EDIL3: variants seen among roughly 807,000 people sequenced by gnomAD.
EDIL3 encodes EGF-like repeat and discoidin I-like domain-containing protein 3.
In EDIL3, 37 loss-of-function variants were observed where a neutral mutation model predicts 67.4. That is an observed-to-expected ratio of 0.55 (90% CI 0.42 to 0.72). The LOEUF is 0.72. Ranked by LOEUF, EDIL3 falls within the 30% of genes least tolerant of loss-of-function variation. EDIL3 has a pLI of 0.00. For missense variants in EDIL3, 527 were observed against 586.3 expected (o/e 0.90, Z 1.04); for synonymous variants, 195 against 196.3 (o/e 0.99, Z 0.05).
intron 5 of EDIL3, 34 bp downstream of exon 5, chr5:84,137,207 A>G (rs774459610): frequency 1.3e-6 from 2 of 1,496,708 alleles, no homozygotes; most frequent in East Asian, 2.3e-5. Context: ...ACACACACAC[A>G]CACACACACA....
intron 1 of EDIL3, among the ~76,000 whole-genome samples, chr5:84,268,062 G>A (rs1250275315): frequency 3.9e-5 from 6 of 152,086 alleles, no homozygotes; most frequent in African/African-American, 1.4e-4. Flanking sequence ...GCTTGAACCC[G>A]GGAGGCAGAG....
chr5:84,092,136 G>A (rs1426849555), intron 6 of EDIL3, among the ~76,000 whole-genome samples: 1 of 152,118 alleles, frequency 6.6e-6, no homozygotes, highest in Non-Finnish European at 1.5e-5. Context: ...GAACCAGAGT[G>A]AATTTGCCAT....
Position 84,251,401 on chromosome 5 carries a change from C to T in EDIL3, c.196+2683G>A, listed in dbSNP as rs555259178. Among the ~76,000 whole-genome samples, 19 of 150,858 alleles carry T rather than the reference C, an allele frequency of 1.3e-4. No homozygotes were observed. The East Asian group carries it at 3.5e-3, about 28-fold the overall frequency. On this transcript the variant is annotated intron_variant, in intron 2 of 10. Transcript: ENST00000296591. ...GCTGGGATTACCGACCAGCGTGAGCCACCACGCCCGGCCTTTTTTTTTTTT... is the reference window on the plus strand; with the variant it reads ...GCTGGGATTACCGACCAGCGTGAGCTACCACGCCCGGCCTTTTTTTTTTTT...
chr5:84,349,938 C>T (rs1053639887), intron 1 of EDIL3, among the ~76,000 whole-genome samples: 2 of 152,192 alleles, frequency 1.3e-5, no homozygotes, highest in African/African-American at 4.8e-5. Flanking sequence ...TATTAACTTG[C>T]TTAATCCTTA....
intron 1 of EDIL3, among the ~76,000 whole-genome samples, chr5:84,273,030 C>T (rs1745506575): frequency 6.6e-6 from 1 of 152,020 alleles, no homozygotes; most frequent in Admixed American, 6.6e-5. Flanking sequence ...TGCTTGTCTC[C>T]AGTATCTAGT....
rs1269552952 is a variant in EDIL3 at position 84,060,328 on chromosome 5, C to T, written c.1109G>A (p.Gly370Asp). The T allele has an allele frequency of 1.9e-6, 3 of 1,613,724 alleles. No individual in the cohort carries two copies. The East Asian group carries it at 6.7e-5, about 36-fold the overall frequency. Residue 370 changes from glycine to aspartate, a missense_variant, in exon 9 of 11, where the codon GGC becomes GAC. By Grantham distance (94) the Gly-to-Asp change is moderately conservative. This residue lies in a region of EDIL3 where 494 missense variants were observed against 522.5 expected (regional missense o/e 0.95). Coordinates refer to ENST00000296591, the MANE Select transcript of EDIL3 (RefSeq NM_005711.5). ...KQGKVNAWTS[G>D]HNDQSQWLQV... ...TAACCATTGTGACTGGTCATTGTGG[C>T]CAGAGGTCCAGGCATTCACTTTGCC... is the stretch of plus-strand genomic sequence containing the variant.
intron 9 of EDIL3, among the ~76,000 whole-genome samples, chr5:83,980,689 ATATATATATT>A: frequency 6.8e-6 from 1 of 146,774 alleles, no homozygotes; most frequent in Admixed American, 6.8e-5. Flanking sequence ...ATATATATAT[ATATATATATT>A]TATATATAAT....
intron 9 of EDIL3, among the ~76,000 whole-genome samples, chr5:83,977,756 T>C (rs1744899990): frequency 6.6e-6 from 1 of 151,884 alleles, no homozygotes; most frequent in African/African-American, 2.4e-5. Context: ...TTCAGCCTAC[T>C]TTTTCATAGT....
At chr5:84,353,188 A>G (rs1041097046) in intron 1 of EDIL3, among the ~76,000 whole-genome samples, 2 of 152,138 alleles carry the variant, frequency 1.3e-5, no homozygotes, top group African/African-American at 4.8e-5. Flanking sequence ...AACGTGAATC[A>G]TGTTAAATTA....
chr5:84,180,586 T>A, intron 3 of EDIL3, 65 bp from the exon 4 acceptor site: 1 of 1,454,150 alleles, frequency 6.9e-7, no homozygotes, highest in Non-Finnish European at 9.1e-7. Context: ...TAGGTCAACA[T>A]TTTGCAATTA....
chr5:84,211,490 T>C (rs1421552616), intron 3 of EDIL3, among the ~76,000 whole-genome samples: 1 of 152,058 alleles, frequency 6.6e-6, no homozygotes, highest in African/African-American at 2.4e-5. Context: ...ACAAATGAAC[T>C]ATGGAAAGGA....
At chr5:84,078,022 A>C (rs573795410) in intron 6 of EDIL3, among the ~76,000 whole-genome samples, 1 of 152,240 alleles carries the variant, frequency 6.6e-6, no homozygotes, top group Admixed American at 6.5e-5. Context: ...AGAATGGCAA[A>C]ACAAAAATAT....
intron 9 of EDIL3, among the ~76,000 whole-genome samples, chr5:83,988,255 T>C (rs1465627965): frequency 6.6e-6 from 1 of 152,178 alleles, no homozygotes; most frequent in African/African-American, 2.4e-5. Context: ...CAATAATGCA[T>C]AATTACAAAA....
chr5:84,042,030 T>C (rs1040842954), intron 9 of EDIL3, among the ~76,000 whole-genome samples: 1 of 152,184 alleles, frequency 6.6e-6, no homozygotes, highest in Non-Finnish European at 1.5e-5. Context: ...TTGCTAATTA[T>C]GTTGCATATA....
intron 4 of EDIL3, among the ~76,000 whole-genome samples, chr5:84,149,414 G>A (rs1210851985): frequency 6.6e-6 from 1 of 152,100 alleles, no homozygotes; most frequent in Non-Finnish European, 1.5e-5. Context: ...ATGGGGCATT[G>A]GGCAGAGGAC....
chr5:84,182,328 C>T (rs754713554), intron 3 of EDIL3, among the ~76,000 whole-genome samples: 13 of 151,514 alleles, frequency 8.6e-5, no homozygotes, highest in Non-Finnish European at 1.8e-4. Flanking sequence ...TGCTGGTGTG[C>T]ACCTGTAGTC....
At chr5:84,064,563 T>C in intron 8 of EDIL3, 137 bp downstream of exon 8, 2 of 1,107,738 alleles carry the variant, frequency 1.8e-6, no homozygotes, top group South Asian at 1.8e-5. Flanking sequence ...TGGTTTTCCC[T>C]GAACCATGTT....
In EDIL3 at chr5:84,309,694, T is replaced by C. The variant is rs964620155; in HGVS notation, c.68-55482A>G. On this transcript the variant is annotated intron_variant, in intron 1 of 10. Transcript: ENST00000296591. ...GAACTCATCATTTTTTATGGCTGCA[T>C]AGTATTCCATGGTGTATATGTGCCA... is the stretch of plus-strand genomic sequence containing the variant. Among the ~76,000 whole-genome samples, 12 of 152,302 alleles carry C rather than the reference T, an allele frequency of 7.9e-5. No individual in the cohort carries two copies. In the East Asian group the frequency reaches 1.9e-3, roughly 25 times the overall value.
chr5:84,154,942 C>T (rs1280979078), intron 4 of EDIL3, among the ~76,000 whole-genome samples: 2 of 152,026 alleles, frequency 1.3e-5, no homozygotes, highest in African/African-American at 4.8e-5. Flanking sequence ...TCAGGCAATC[C>T]TCCTGCCTCG....
Sources: allele counts gnomAD v4.1 joint callset (sites outside exome capture counted in the v4.1 genomes callset), GRCh38; gene constraint gnomAD v4.1.1; regional missense constraint gnomAD v4.1.1; transcripts MANE v1.5; gene names NCBI Gene and HGNC (gene_info 2026-07-23, HGNC 2026-07-21).